ASAP1: variants seen among roughly 807,000 people sequenced by gnomAD.
ASAP1 encodes arf-GAP with SH3 domain, ANK repeat and PH domain-containing protein 1.
In ASAP1, 43 loss-of-function variants were observed where a neutral mutation model predicts 145.2. The observed-to-expected ratio is 0.30, with a 90% CI of 0.23 to 0.38. ASAP1 has a LOEUF of 0.38. ASAP1 is among the 10% of genes least tolerant of loss of function. ASAP1 has a pLI of 1.00. For missense variants in ASAP1, 1,018 were observed against 1,355.3 expected, an observed-to-expected ratio of 0.75 and a Z score of 3.91; for synonymous variants, 546 against 515.5, an observed-to-expected ratio of 1.06 and a Z score of -0.80.
Position 130,136,547 on chromosome 8 carries a change from A to T in ASAP1, c.1168+404T>A, listed in dbSNP as rs564575308. On this transcript the variant is annotated intron_variant, in intron 14 of 29. Transcript: ENST00000518721. ...CTTCTTAACCACAGGTGCACATTAC[A>T]ATCACCTAGTGGCTTTTTTTTTTTT... 4.1e-5 allele frequency among the ~76,000 whole-genome samples: 6 copies of T among 147,092 alleles called. No homozygotes were observed. In the East Asian group the frequency reaches 1.0e-3, roughly 25 times the overall value.
At chr8:130,381,821 C>G (rs1329416065) in intron 2 of ASAP1, among the ~76,000 whole-genome samples, 1 of 152,170 alleles carries the variant, frequency 6.6e-6, no homozygotes, top group Non-Finnish European at 1.5e-5. Flanking sequence ...ACGTGCTGTT[C>G]CCCTCAGCTG....
intron 24 of ASAP1, among the ~76,000 whole-genome samples, chr8:130,107,053 T>C (rs556351075): frequency 2.0e-5 from 3 of 152,220 alleles, no homozygotes; most frequent in African/African-American, 7.2e-5. Context: ...CTAAGCAAGG[T>C]AGACACCTAA....
intron 3 of ASAP1, among the ~76,000 whole-genome samples, chr8:130,264,968 A>C (rs1409936964): frequency 6.6e-6 from 1 of 152,226 alleles, no homozygotes; most frequent in Non-Finnish European, 1.5e-5. Context: ...ACACAGGCAA[A>C]GTATGGGAGG....
At chr8:130,252,844 G>A (rs1424663807) in intron 3 of ASAP1, among the ~76,000 whole-genome samples, 2 of 152,102 alleles carry the variant, frequency 1.3e-5, no homozygotes, top group Non-Finnish European at 2.9e-5. Flanking sequence ...ACAACACAGT[G>A]AGAGTTCCTT....
intron 25 of ASAP1, among the ~76,000 whole-genome samples, chr8:130,088,951 T>C (rs1307182422): frequency 6.6e-6 from 1 of 152,182 alleles, no homozygotes; most frequent in Non-Finnish European, 1.5e-5. Flanking sequence ...CACAAGGCTA[T>C]TGAGTAGTAG....
chr8:130,440,674 C>T (rs887384414), intron 1 of ASAP1, among the ~76,000 whole-genome samples: 1 of 152,126 alleles, frequency 6.6e-6, no homozygotes, highest in African/African-American at 2.4e-5. Flanking sequence ...CCCCATCTCT[C>T]CCTTACACTC....
At chr8:130,117,464 G>A (rs1274775422) in intron 20 of ASAP1, among the ~76,000 whole-genome samples, 2 of 152,028 alleles carry the variant, frequency 1.3e-5, no homozygotes, top group African/African-American at 4.8e-5. Flanking sequence ...ATACAATTTG[G>A]CTTGTGTCTA....
chr8:130,170,720 T>C (rs1055383564), intron 9 of ASAP1, among the ~76,000 whole-genome samples: 2 of 151,972 alleles, frequency 1.3e-5, no homozygotes, highest in East Asian at 1.9e-4. Flanking sequence ...CATGAACACA[T>C]GTAAAGCCTC....
intron 4 of ASAP1, among the ~76,000 whole-genome samples, chr8:130,233,644 C>T (rs1818041388): frequency 6.6e-6 from 1 of 152,156 alleles, no homozygotes; most frequent in South Asian, 2.1e-4. Flanking sequence ...CTTCCTATTT[C>T]ACCCTTTGCA....
At position 130,357,151 on chromosome 8, in the gene ASAP1, C is replaced by G. The variant is rs535754873; in HGVS notation, c.186+866G>C. Among the ~76,000 whole-genome samples, 25 of 152,282 alleles carry G rather than the reference C, an allele frequency of 1.6e-4. No homozygotes were observed. In the East Asian group the frequency reaches 3.3e-3, roughly 20 times the overall value. ...TTCCTCTTTGCCCATACCACTCTCTCATTAACTCACTGAAAATCCTAAAGA... is the reference window on the plus strand; with the variant it reads ...TTCCTCTTTGCCCATACCACTCTCTGATTAACTCACTGAAAATCCTAAAGA... On this transcript the variant is annotated intron_variant, in intron 3 of 29. Transcript: ENST00000518721.
intron 11 of ASAP1, among the ~76,000 whole-genome samples, chr8:130,162,050 T>C (rs1345459099): frequency 6.6e-6 from 1 of 152,012 alleles, no homozygotes; most frequent in Admixed American, 6.6e-5. Context: ...TTCTCCTACT[T>C]TGGCCTTCCG....
At chr8:130,343,403 C>T (rs1467675903) in intron 3 of ASAP1, among the ~76,000 whole-genome samples, 1 of 152,168 alleles carries the variant, frequency 6.6e-6, no homozygotes, top group Non-Finnish European at 1.5e-5. Flanking sequence ...TACTCCTACT[C>T]GCTTGATGTA....
intron 13 of ASAP1, among the ~76,000 whole-genome samples, chr8:130,149,355 G>C (rs563046770): frequency 7.3e-5 from 11 of 151,618 alleles, no homozygotes; most frequent in Admixed American, 1.3e-4. Context: ...GTTGGTAAAA[G>C]AATTTTTTTT....
intron 3 of ASAP1, among the ~76,000 whole-genome samples, chr8:130,291,562 G>A (rs1449080960): frequency 6.6e-6 from 1 of 152,218 alleles, no homozygotes; most frequent in Admixed American, 6.5e-5. Flanking sequence ...TCGGTGAGAA[G>A]AGAGATGAGG....
chr8:130,153,151 C>A (rs1217788773), intron 12 of ASAP1, among the ~76,000 whole-genome samples: 1 of 151,278 alleles, frequency 6.6e-6, no homozygotes, highest in East Asian at 1.9e-4. Flanking sequence ...TCCCGAGCAG[C>A]TGGGATTACA....
chr8:130,371,421 C>T (rs72724461), intron 2 of ASAP1, among the ~76,000 whole-genome samples: 2 of 152,152 alleles, frequency 1.3e-5, no homozygotes, highest in East Asian at 1.9e-4. Context: ...CTATGTAGTC[C>T]CCGTTTCTTC....
At chr8:130,152,903 TC>T in intron 12 of ASAP1, 98 bp from the exon 13 acceptor site, 3 of 946,232 alleles carry the variant, frequency 3.2e-6, no homozygotes, top group Non-Finnish European at 3.0e-6. Flanking sequence ...CAAAATAACT[TC>T]CCCAAACCAA....
Position 130,164,845 on chromosome 8 carries a change from G to A in ASAP1, c.909+2691C>T, listed in dbSNP as rs140193157. 3.0e-3 allele frequency among the ~76,000 whole-genome samples: 457 copies of A among 152,264 alleles called. 1 individual carries two copies. Among genetic ancestry groups the A allele is most frequent in the African/African-American group, 0.011 (442 of 41,532 alleles). On this transcript the variant is annotated intron_variant, in intron 11 of 29. Coordinates refer to ENST00000518721, the MANE Select transcript of ASAP1 (RefSeq NM_018482.4). ...ATGAGTAGGCTAAATGATTTGTTGGGTGCTTTTGATTCCTCAGTTAATCTT... is the reference window on the plus strand; with the variant it reads ...ATGAGTAGGCTAAATGATTTGTTGGATGCTTTTGATTCCTCAGTTAATCTT...
At chr8:130,245,430 A>C (rs1268056745) in intron 3 of ASAP1, among the ~76,000 whole-genome samples, 1 of 152,166 alleles carries the variant, frequency 6.6e-6, no homozygotes, top group African/African-American at 2.4e-5. Context: ...TGTAAATCCT[A>C]AACTTTGAAA....
Sources: gnomAD v4.1 joint callset for allele counts (sites outside exome capture counted in the v4.1 genomes callset) on GRCh38, gnomAD v4.1.1 for gene constraint, MANE v1.5 for transcripts, NCBI Gene and HGNC (gene_info 2026-07-23, HGNC 2026-07-21) for gene names.